LYPD6B: variants seen among roughly 807,000 people sequenced by gnomAD.
LYPD6B encodes ly6/PLAUR domain-containing protein 6B.
A neutral mutation model predicts 22.8 loss-of-function variants in LYPD6B; 17 were observed. That is an observed-to-expected ratio of 0.75 (90% CI 0.51 to 1.12). The LOEUF (loss-of-function observed/expected upper bound fraction) is 1.12. Ranked by LOEUF, LYPD6B falls within the 50% of genes most tolerant of loss-of-function variation. LYPD6B has a pLI of 0.00. For missense variants in LYPD6B, 221 were observed against 258.3 expected, an observed-to-expected ratio of 0.86 and a Z score of 0.99; for synonymous variants, 106 against 91.6, an observed-to-expected ratio of 1.16 and a Z score of -0.90.
Position 149,120,375 on chromosome 2 carries a change from A to ATTT in LYPD6B, c.-66-10507_-66-10506insTTT, listed in dbSNP as rs1454444460. 4.4e-3 allele frequency among the ~76,000 whole-genome samples: 136 copies of ATTT among 30,674 alleles called. 4 individuals carry two copies. Among genetic ancestry groups the ATTT allele is most frequent in the African/African-American group, 0.013 (83 of 6,300 alleles). 20.1% of individuals were successfully genotyped at this position (30,674 alleles called of 152,430 possible). The stretch of plus-strand genomic sequence containing the variant: ...TGTGTGTGTGTGTATATATATATAT[A>ATTT]TATATATATTTTTTTTTTTTTTTTT... On this transcript the variant is annotated intron_variant, in intron 1 of 6. Transcript: ENST00000409642.
At chr2:149,043,868 A>C (rs1430615855) in intron 1 of LYPD6B, among the ~76,000 whole-genome samples, 1 of 152,076 alleles carries the variant, frequency 6.6e-6, no homozygotes, top group African/African-American at 2.4e-5. Flanking sequence ...ATGTTCCAGC[A>C]CCATTTGTTG....
intron 3 of LYPD6B, among the ~76,000 whole-genome samples, chr2:149,204,042 T>C (rs1693343060): frequency 6.7e-6 from 1 of 150,342 alleles, no homozygotes; most frequent in Admixed American, 6.6e-5. Flanking sequence ...TTGAAACCAG[T>C]TGATTCAGCA....
At chr2:149,097,648 C>G (rs1206814154) in intron 1 of LYPD6B, among the ~76,000 whole-genome samples, 1 of 152,114 alleles carries the variant, frequency 6.6e-6, no homozygotes, top group Non-Finnish European at 1.5e-5. Flanking sequence ...TCCTTGTACT[C>G]TCTTTTGGAA....
intron 1 of LYPD6B, among the ~76,000 whole-genome samples, chr2:149,120,361 G>A (rs373409952): frequency 1.2e-3 from 47 of 38,750 alleles, no homozygotes; most frequent in Admixed American, 2.2e-3. Context: ...GTGTGTGTGT[G>A]TATATATATA....
chr2:149,170,279 A>G (rs1489204160), intron 3 of LYPD6B, among the ~76,000 whole-genome samples: 1 of 152,134 alleles, frequency 6.6e-6, no homozygotes, highest in Non-Finnish European at 1.5e-5. Context: ...ATTTTAGTAA[A>G]CCTTTTTTCA....
At chr2:149,046,958 T>A (rs1215559097) in intron 1 of LYPD6B, among the ~76,000 whole-genome samples, 2 of 152,360 alleles carry the variant, frequency 1.3e-5, no homozygotes, top group East Asian at 3.9e-4. Context: ...ACTTTTATTC[T>A]TAAACAATTC....
chr2:149,150,815 T>C (rs1689319900), intron 2 of LYPD6B, among the ~76,000 whole-genome samples: 1 of 152,190 alleles, frequency 6.6e-6, no homozygotes, highest in South Asian at 2.1e-4. Flanking sequence ...TTGGCTCGTG[T>C]ACTGATCTTC....
intron 1 of LYPD6B, among the ~76,000 whole-genome samples, chr2:149,088,321 T>G (rs551638014): frequency 6.6e-6 from 1 of 152,314 alleles, no homozygotes; most frequent in South Asian, 2.1e-4. Context: ...GTTTTCAGTG[T>G]AGGCTAGGGT....
chr2:149,206,134 G>C (rs558122074), intron 4 of LYPD6B: 1 of 361,188 alleles, frequency 2.8e-6, no homozygotes, highest in East Asian at 7.7e-5. Flanking sequence ...TCAGAATCAT[G>C]ATGAAAGGAT....
chr2:149,085,240 C>T lies in LYPD6B; in HGVS notation c.-66-45643C>T, dbSNP rs1022141460. On this transcript the variant is annotated intron_variant, in intron 1 of 6. Transcript: ENST00000409642. Reference sequence around the variant, plus strand: ...CTTGCAAACAGGCCATCTGTGTTTGCAGTCCATGGGCCTAACCCCACATGT... The same window carrying T: ...CTTGCAAACAGGCCATCTGTGTTTGTAGTCCATGGGCCTAACCCCACATGT... Among the ~76,000 whole-genome samples the T allele has an allele frequency of 3.9e-5, 6 of 152,208 alleles. No individual in the cohort carries two copies. The East Asian group carries it at 1.2e-3, about 29-fold the overall frequency.
At chr2:149,180,742 C>A (rs940259608) in intron 3 of LYPD6B, among the ~76,000 whole-genome samples, 7 of 152,202 alleles carry the variant, frequency 4.6e-5, no homozygotes, top group Non-Finnish European at 8.8e-5. Flanking sequence ...TGTGTGCTGT[C>A]CTGGTTAGGA....
intron 1 of LYPD6B, among the ~76,000 whole-genome samples, chr2:149,043,388 T>C (rs745475693): frequency 2.7e-4 from 41 of 152,058 alleles, no homozygotes; most frequent in Non-Finnish European, 4.0e-4. Context: ...CAGATACAAA[T>C]TGATGAGAGG....
chr2:149,113,289 G>A (rs949692856), intron 1 of LYPD6B, among the ~76,000 whole-genome samples: 1 of 152,144 alleles, frequency 6.6e-6, no homozygotes, highest in Non-Finnish European at 1.5e-5. Flanking sequence ...GTTGAAGTAT[G>A]TGATCCCCCT....
intron 2 of LYPD6B, among the ~76,000 whole-genome samples, chr2:149,139,578 C>G (rs1688564140): frequency 6.6e-6 from 1 of 152,172 alleles, no homozygotes; most frequent in Non-Finnish European, 1.5e-5. Context: ...CTCATTTAAA[C>G]AGCAAGGCAC....
At chr2:149,091,945 ATGGGAATC>A (rs1685670888) in intron 1 of LYPD6B, among the ~76,000 whole-genome samples, 1 of 143,150 alleles carries the variant, frequency 7.0e-6, no homozygotes, top group South Asian at 2.5e-4. Context: ...ATGTGATTCT[ATGGGAATC>A]TGGGCTGCTG....
chr2:149,074,569 T>C (rs1245382110), intron 1 of LYPD6B, among the ~76,000 whole-genome samples: 1 of 152,216 alleles, frequency 6.6e-6, no homozygotes, highest in African/African-American at 2.4e-5. Context: ...CAAGGTGTGC[T>C]GATGGGCCCT....
chr2:149,124,131 G>C (rs1687547547), intron 1 of LYPD6B, among the ~76,000 whole-genome samples: 1 of 152,128 alleles, frequency 6.6e-6, no homozygotes, highest in African/African-American at 2.4e-5. Flanking sequence ...CTCATTTTCT[G>C]AAGTACTAAT....
At chr2:149,040,784 G>A (rs1306542573) in intron 1 of LYPD6B, among the ~76,000 whole-genome samples, 1 of 152,238 alleles carries the variant, frequency 6.6e-6, no homozygotes. Context: ...GACAGCCTGA[G>A]GGCCGTATTC....
At chr2:149,197,846 C>A (rs1047483439) in intron 3 of LYPD6B, among the ~76,000 whole-genome samples, 1 of 151,982 alleles carries the variant, frequency 6.6e-6, no homozygotes. Flanking sequence ...TTGGCATAAG[C>A]CTCCTAAAAA....
Sources: gnomAD v4.1 joint callset for allele counts (sites outside exome capture counted in the v4.1 genomes callset) on GRCh38, gnomAD v4.1.1 for gene constraint, MANE v1.5 for transcripts, NCBI Gene and HGNC (gene_info 2026-07-23, HGNC 2026-07-21) for gene names.